Variants in NF1 observed in about 807,000 individuals in gnomAD.
NF1 encodes neurofibromin 1, also known as neurofibromin.
NF1 carries 122 observed loss-of-function variants against 325.7 expected under a neutral mutation model. That is an observed-to-expected ratio of 0.37 (90% confidence interval 0.32 to 0.44). The LOEUF is 0.44. Ranked by LOEUF, NF1 falls within the 20% of genes least tolerant of loss-of-function variation. The pLI is 1.00. For missense variants in NF1, 2,140 were observed against 3,415.4 expected, an observed-to-expected ratio of 0.63 and a Z score of 9.31; for synonymous variants, 1,091 against 1,186.0, an observed-to-expected ratio of 0.92 and a Z score of 1.65.
At chr17:31,272,603 A>G (rs1411690133) in intron 36 of NF1, 1 of 152,128 alleles carries the variant, frequency 6.6e-6, no homozygotes, top group Non-Finnish European at 1.5e-5. Flanking sequence ...TCATTCTGGG[A>G]TTGGTGCTCT....
intron 36 of NF1, chr17:31,304,770 G>T (rs2068662966): frequency 6.2e-7 from 1 of 1,614,068 alleles, no homozygotes; most frequent in Non-Finnish European, 8.5e-7. Flanking sequence ...CTAAAAGTGT[G>T]CTTTTGCTTG....
At chr17:31,236,796 G>T (rs2067211987) in intron 29 of NF1, among the ~76,000 whole-genome samples, 1 of 151,934 alleles carries the variant, frequency 6.6e-6, no homozygotes, top group African/African-American at 2.4e-5. Flanking sequence ...TTCTCTGCTT[G>T]TTACCAGGTA....
At chr17:31,181,322 T>C in intron 5 of NF1, 100 bp from the exon 6 acceptor site, 2 of 1,096,422 alleles carry the variant, frequency 1.8e-6, no homozygotes, top group Non-Finnish European at 1.4e-6. Context: ...CAGATAATAT[T>C]GGAGCAAAAG....
intron 8 of NF1, among the ~76,000 whole-genome samples, chr17:31,192,796 G>T (rs76612642): frequency 0.1 from 15,917 of 152,128 alleles, 2,375 homozygotes; most frequent in African/African-American, 0.33. Context: ...GCCAGAGTCA[G>T]ATTGAAAAGT....
rs1597688746 is a variant in NF1 at position 31,206,259 on chromosome 17, C to G, written c.1280C>G (p.Pro427Arg). 1 of 1,613,700 alleles carries G rather than the reference C, an allele frequency of 6.2e-7. No individual in the cohort carries two copies. The highest frequency in any genetic ancestry group is 8.5e-7 in the Non-Finnish European group (1 of 1,179,726). ...CTCTAGTCCGCATTGGATTGGTGGCCTAAGATTGATGCTGTGTATTGTCAC... is the reference window on the plus strand; with the variant it reads ...CTCTAGTCCGCATTGGATTGGTGGCGTAAGATTGATGCTGTGTATTGTCAC... ...IITNSALDWW[P>R]KIDAVYCHSV... is the part of the protein sequence containing the mutation. Residue 427 changes from proline (P) to arginine (R), a missense_variant, in exon 12 of 58, where the codon CCT (proline) becomes CGT (arginine). Pro to Arg is a moderately radical substitution (Grantham distance 103). Transcript: ENST00000358273.
In NF1 at chr17:31,263,098, G is replaced by GATA. The variant is rs1567864116; in HGVS notation, c.4724+1241_4724+1242insATA. ...AGATAGGTAGGTAGGTAGGTAGGTAGGTAGGTAGGTAGATAGATAGATAGA... is the reference window on the plus strand; with the variant it reads ...AGATAGGTAGGTAGGTAGGTAGGTAGATAGTAGGTAGGTAGATAGATAGATAGA... On this transcript the variant is annotated intron_variant, in intron 35 of 57. Transcript: ENST00000358273. Among the ~76,000 whole-genome samples, 20 of 95,846 alleles carry GATA rather than the reference G, an allele frequency of 2.1e-4. 1 individual carries two copies. The highest frequency in any genetic ancestry group is 7.6e-4 in the African/African-American group (20 of 26,476). The allele number at this position is 95,846 out of a possible 152,430, so 62.9% of individuals were successfully genotyped here.
At chr17:31,254,340 TTATC>T (rs974833064) in intron 31 of NF1, 15 of 150,994 alleles carry the variant, frequency 9.9e-5, no homozygotes, top group Non-Finnish European at 2.2e-4. Flanking sequence ...TACATATAAA[TTATC>T]TAAGCTTTAA....
At chr17:31,327,072 G>A (rs898603836) in intron 37 of NF1, among the ~76,000 whole-genome samples, 11 of 152,084 alleles carry the variant, frequency 7.2e-5, no homozygotes, top group Admixed American at 3.9e-4. Flanking sequence ...AGGTTCAAGC[G>A]ATTCTGCTGC....
At position 31,357,293 on chromosome 17, in the gene NF1, G is replaced by A. The variant is rs1216647325; in HGVS notation, c.7894G>A (p.Asp2632Asn). 1 of 1,613,998 alleles carries A rather than the reference G, an allele frequency of 6.2e-7. No homozygotes were observed. The highest frequency in any genetic ancestry group is 8.5e-7 in the Non-Finnish European group (1 of 1,179,912). Residue 2632 changes from aspartate to asparagine, a missense_variant, in exon 54 of 58, where the codon GAT becomes AAT. Around this residue, in one of 10 missense-constraint regions of NF1, gnomAD observed 522 missense variants for 749.0 expected, o/e 0.70. Transcript: ENST00000358273. ...VLATLVKYTT[D>N]EFDQRILYEY... Reference sequence around the variant, plus strand: ...GGCTACACTGGTAAAATATACCACAGATGAGTTTGATCAACGAATTCTTTA... The same window carrying A: ...GGCTACACTGGTAAAATATACCACAAATGAGTTTGATCAACGAATTCTTTA...
intron 31 of NF1, among the ~76,000 whole-genome samples, chr17:31,256,471 T>C (rs1412516648): frequency 1.3e-5 from 2 of 152,194 alleles, no homozygotes; most frequent in Admixed American, 6.5e-5. Context: ...TTTGGGAGTT[T>C]TAGAAAACCA....
rs1567828025 is a variant in NF1 at position 31,184,666 on chromosome 17, A to AAAAAAAAT, written c.888+2007_888+2008insATAAAAAA. On this transcript the variant is annotated intron_variant, in intron 8 of 57. Transcript: ENST00000358273. ...CCGTCTCAAAAAAAAAAAATAAAAAAAAAAAATAAAAAAATAAAATAGAAA... is the reference window on the plus strand; with the variant it reads ...CCGTCTCAAAAAAAAAAAATAAAAAAAAAAAAATAAAAAATAAAAAAATAAAATAGAAA... Among the ~76,000 whole-genome samples the AAAAAAAAT allele has an allele frequency of 2.0e-4, 28 of 140,596 alleles. 2 individuals are homozygous for AAAAAAAAT. The highest frequency in any genetic ancestry group is 7.5e-3 in the Middle Eastern group (2 of 266). 92.2% of individuals were successfully genotyped at this position (140,596 alleles called of 152,430 possible). A position where few individuals can be genotyped will look rare whatever the true frequency, so the allele number is the denominator to read the frequency against.
chr17:31,148,804 A>G (rs748092523), intron 1 of NF1, among the ~76,000 whole-genome samples: 1 of 152,156 alleles, frequency 6.6e-6, no homozygotes, highest in Non-Finnish European at 1.5e-5. Flanking sequence ...AAAGAATTAG[A>G]TACAGTTTTC....
chr17:31,340,244 C>G (rs1307152339), intron 46 of NF1: 1 of 505,560 alleles, frequency 2.0e-6, no homozygotes, highest in Non-Finnish European at 3.6e-6. Flanking sequence ...GAAGAATCAA[C>G]AAACCTTGGT....
chr17:31,117,565 C>T (rs1914043511), intron 1 of NF1, among the ~76,000 whole-genome samples: 1 of 145,456 alleles, frequency 6.9e-6, no homozygotes. Flanking sequence ...CCTAGCTACT[C>T]GGGAGGCTGA....
intron 13 of NF1, 114 bp from the exon 14 acceptor site, chr17:31,218,891 T>C: frequency 2.8e-6 from 3 of 1,075,274 alleles, no homozygotes; most frequent in Admixed American, 2.1e-5. Flanking sequence ...AACATTGTTA[T>C]CACCCCTAAA....
intron 1 of NF1, among the ~76,000 whole-genome samples, chr17:31,146,379 CA>C (rs1377099309): frequency 2.0e-5 from 3 of 152,112 alleles, no homozygotes; most frequent in Non-Finnish European, 4.4e-5. Context: ...TGAAGCCCAA[CA>C]CATACAGATT....
intron 36 of NF1, 66 bp downstream of exon 36, chr17:31,265,405 G>A (rs1442051062): frequency 1.6e-6 from 2 of 1,222,434 alleles, no homozygotes; most frequent in African/African-American, 3.0e-5. Context: ...ATAGAGAGAT[G>A]GCAAGTTTGG....
At chr17:31,322,556 A>G (rs920826106) in intron 36 of NF1, among the ~76,000 whole-genome samples, 5 of 147,378 alleles carry the variant, frequency 3.4e-5, no homozygotes, top group Non-Finnish European at 7.4e-5. Flanking sequence ...ATGGCAGCAC[A>G]TATCTGTAAT....
intron 36 of NF1, among the ~76,000 whole-genome samples, chr17:31,289,162 GA>G (rs1309137830): frequency 6.6e-6 from 1 of 152,206 alleles, no homozygotes; most frequent in African/African-American, 2.4e-5. Context: ...AGAAGAGGGA[GA>G]GAGGACATGC....
Sources: gnomAD v4.1 joint callset for allele counts (sites outside exome capture counted in the v4.1 genomes callset) on GRCh38, gnomAD v4.1.1 for gene constraint, gnomAD v4.1.1 regional missense constraint, MANE v1.5 for transcripts, NCBI Gene and HGNC (gene_info 2026-07-23, HGNC 2026-07-21) for gene names.